The following XPO7 variants were observed in gnomAD, a reference collection of about 807,000 sequenced individuals.
XPO7 encodes exportin 7.
XPO7 carries 21 observed loss-of-function variants against 144.3 expected under a neutral mutation model. That is an observed-to-expected ratio of 0.15 (90% confidence interval 0.10 to 0.21). The LOEUF (loss-of-function observed/expected upper bound fraction) is 0.21. XPO7 is among the 10% of genes least tolerant of loss of function. XPO7 has a pLI of 1.00. For missense variants in XPO7, 808 were observed against 1,325.8 expected (o/e 0.61, Z 6.06); for synonymous variants, 580 against 499.6 (o/e 1.16, Z -2.15).
chr8:21,977,906 A>G (rs1812280191), intron 8 of XPO7, 63 bp downstream of exon 8: 16 of 1,397,644 alleles, frequency 1.1e-5, no homozygotes, highest in Non-Finnish European at 1.6e-5. Context: ...TGGTGAATGA[A>G]CCTTATATTC....
chr8:21,974,924 T>C (rs961203279), intron 6 of XPO7, 150 bp downstream of exon 6: 13 of 643,396 alleles, frequency 2.0e-5, no homozygotes, highest in South Asian at 4.8e-5. Flanking sequence ...ATAGAGGCGT[T>C]GAAGAAACTG....
intron 3 of XPO7, 31 bp from the exon 4 acceptor site, chr8:21,970,113 A>G: frequency 6.3e-7 from 1 of 1,596,868 alleles, no homozygotes; most frequent in African/African-American, 1.4e-5. Context: ...TATTATGTGG[A>G]TTGGTTTTGT....
intron 1 of XPO7, among the ~76,000 whole-genome samples, chr8:21,957,161 C>T (rs577117936): frequency 2.0e-5 from 3 of 152,138 alleles, no homozygotes; most frequent in Admixed American, 1.3e-4. Context: ...TGAAATTTCT[C>T]GGTGGATCCT....
rs765250142 is a variant in XPO7, at chr8:22,005,001, C to T, written c.3177C>T (p.Thr1059=). Residue 1059 remains threonine, a synonymous_variant, in exon 28 of 28, where the codon ACC becomes ACT. Transcript: ENST00000252512. ...NLLTKNRDRF[T]QNLSAFRREV... Reference sequence around the variant, plus strand: ...ACATGCATCCTCTCTGCAGGTTCACCCAGAACCTGTCAGCATTCCGTCGAG... The same window carrying T: ...ACATGCATCCTCTCTGCAGGTTCACTCAGAACCTGTCAGCATTCCGTCGAG... The T allele has an allele frequency of 8.1e-6, 13 of 1,610,372 alleles. No homozygotes were observed. Among genetic ancestry groups the T allele is most frequent in the Middle Eastern group, 1.7e-4 (1 of 6,048 alleles).
At position 21,995,406 on chromosome 8, in the gene XPO7, G is replaced by C. The variant is rs973296394; in HGVS notation, c.2238-86G>C. 99 of 1,167,994 alleles carry C rather than the reference G, an allele frequency of 8.5e-5. No individual in the cohort carries two copies. In the East Asian group the frequency reaches 2.5e-3, roughly 30 times the overall value. The allele number at this position is 1,167,994 out of a possible 1,614,324, so 72.4% of individuals were successfully genotyped here. On this transcript the variant is annotated intron_variant, in intron 20 of 27. Coordinates refer to ENST00000252512, the MANE Select transcript of XPO7 (RefSeq NM_015024.5). ...AACTTAAAGAACTGTAGTTTGACAA[G>C]TTTTTGCTTGGCTAGTGCTGAAAAA...
chr8:21,959,153 C>T (rs375699684), intron 1 of XPO7, among the ~76,000 whole-genome samples: 1 of 152,150 alleles, frequency 6.6e-6, no homozygotes, highest in East Asian at 1.9e-4. Context: ...ACAGAATCTG[C>T]GAATAACGAG....
At chr8:21,967,873 TTGGCAAGA>T (rs1414085619) in intron 2 of XPO7, among the ~76,000 whole-genome samples, 5 of 152,170 alleles carry the variant, frequency 3.3e-5, no homozygotes, top group African/African-American at 1.2e-4. Context: ...ATCACTATCT[TTGGCAAGA>T]TGGAAGTCTT....
chr8:21,984,795 T>C lies in XPO7; in HGVS notation c.1427T>C (p.Leu476Pro), dbSNP rs778446513. Residue 476 changes from leucine to proline, a missense_variant, in exon 12 of 28, where the codon CTA becomes CCA. Physicochemically the swap from Leu to Pro is moderately conservative, Grantham distance 98 (BLOSUM62 -3). This residue lies in a region of XPO7 where 416 missense variants were observed against 612.5 expected (regional missense o/e 0.68). Transcript: ENST00000252512. ...TCGGCCCAGTCGTACCAGGAGCTGC[T>C]ACAGAGCGCCAGCGCAAGCCCAATG... ...DQSAQSYQELLQSASASPMDI... is the reference protein window; with the variant it reads ...DQSAQSYQELPQSASASPMDI... The C allele has an allele frequency of 1.9e-6, 3 of 1,613,872 alleles. No individual in the cohort carries two copies. In the East Asian group the frequency reaches 6.7e-5, roughly 36 times the overall value.
At chr8:21,957,929 G>A (rs1811593853) in intron 1 of XPO7, among the ~76,000 whole-genome samples, 2 of 151,576 alleles carry the variant, frequency 1.3e-5, no homozygotes, top group Admixed American at 1.3e-4. Context: ...CTTTTTGTTG[G>A]TAATTCCACT....
At chr8:21,982,597 C>T (rs998831440) in intron 10 of XPO7, 43 bp from the exon 11 acceptor site, 10 of 1,534,196 alleles carry the variant, frequency 6.5e-6, no homozygotes, top group South Asian at 1.3e-5. Flanking sequence ...CTAACACGTA[C>T]AGAAATGAAA....
chr8:21,935,486 T>C (rs1810792843), intron 1 of XPO7, among the ~76,000 whole-genome samples: 1 of 152,234 alleles, frequency 6.6e-6, no homozygotes, highest in Non-Finnish European at 1.5e-5. Flanking sequence ...TTCAGGTATC[T>C]TTCCAGTACT....
chr8:22,004,011 C>T lies in XPO7; in HGVS notation c.3151C>T (p.Leu1051Phe). The T allele has an allele frequency of 6.2e-7, 1 of 1,613,882 alleles. No homozygotes were observed. ...NLMEGIERNL[L>F]TKNRDRFTQN... Reference sequence around the variant, plus strand: ...GATGGAAGGCATCGAGCGAAATCTTCTTACGAAAAACAGAGACAGGTGAGT... The same window carrying T: ...GATGGAAGGCATCGAGCGAAATCTTTTTACGAAAAACAGAGACAGGTGAGT... The change falls in exon 27 of 28, where the codon CTT (leucine) becomes TTT (phenylalanine). Residue 1051 changes from leucine (L) to phenylalanine (F), a missense_variant. Leu to Phe is a conservative substitution (Grantham distance 22). Coordinates refer to ENST00000252512, the MANE Select transcript of XPO7 (RefSeq NM_015024.5).
At chr8:21,940,884 G>A (rs1268735333) in intron 1 of XPO7, among the ~76,000 whole-genome samples, 4 of 152,086 alleles carry the variant, frequency 2.6e-5, no homozygotes, top group East Asian at 1.9e-4. Flanking sequence ...TGCATCTGTA[G>A]TTTTCAGGAA....
intron 1 of XPO7, among the ~76,000 whole-genome samples, chr8:21,963,587 C>T (rs911298895): frequency 2.0e-5 from 3 of 151,834 alleles, no homozygotes; most frequent in African/African-American, 7.3e-5. Flanking sequence ...CCCAGCTACT[C>T]AGGAGGCTGA....
At chr8:21,920,306 C>T (rs1261102282) in intron 1 of XPO7, among the ~76,000 whole-genome samples, 1 of 152,118 alleles carries the variant, frequency 6.6e-6, no homozygotes, top group Non-Finnish European at 1.5e-5. Context: ...CCCCAGCAAC[C>T]CCGGCCTCCT....
At position 22,003,326 on chromosome 8, in the gene XPO7, G is replaced by A; in HGVS notation, c.3042+9G>A. On this transcript the variant is annotated intron_variant, in intron 26 of 27. Coordinates refer to ENST00000252512, the MANE Select transcript of XPO7 (RefSeq NM_015024.5). ...TATTGCTTAATGAAAAGGTGAGAGA[G>A]CCAGCTCCCTGGTGCCAACCCAGAA... 1 of 1,602,016 alleles carries A rather than the reference G, an allele frequency of 6.2e-7. No homozygotes were observed. The highest frequency in any genetic ancestry group is 8.5e-7 in the Non-Finnish European group (1 of 1,174,054).
intron 1 of XPO7, among the ~76,000 whole-genome samples, chr8:21,933,703 G>T (rs1008351726): frequency 6.6e-6 from 1 of 152,038 alleles, no homozygotes; most frequent in South Asian, 2.1e-4. Context: ...CCTTTTGTTT[G>T]CCCATAGCTG....
chr8:21,962,498 A>G (rs1811757537), intron 1 of XPO7, among the ~76,000 whole-genome samples: 1 of 152,228 alleles, frequency 6.6e-6, no homozygotes, highest in African/African-American at 2.4e-5. Flanking sequence ...GTTAACTAGT[A>G]AAATGTTACT....
chr8:22,003,436 G>T, intron 26 of XPO7, 119 bp downstream of exon 26: 1 of 733,566 alleles, frequency 1.4e-6, no homozygotes, highest in Non-Finnish European at 2.2e-6. Flanking sequence ...CAGGGAAAAT[G>T]GGTCATTTAC....
Sources: allele counts gnomAD v4.1 joint callset (sites outside exome capture counted in the v4.1 genomes callset), GRCh38; gene constraint gnomAD v4.1.1; regional missense constraint gnomAD v4.1.1; transcripts MANE v1.5; gene names NCBI Gene and HGNC (gene_info 2026-07-23, HGNC 2026-07-21).